The following AFF3 variants were observed in gnomAD, a reference collection of about 807,000 sequenced individuals.
AFF3 encodes ALF transcription elongation factor 3, also known as AF4/FMR2 family member 3.
A neutral mutation model predicts 129.7 loss-of-function variants in AFF3; 32 were observed. That is an observed-to-expected ratio of 0.25 (90% CI 0.19 to 0.33). The LOEUF is 0.33. Among genes scored for constraint, AFF3 ranks in the 10% least tolerant of loss-of-function variants. The pLI is 1.00. For synonymous variants in AFF3, 644 were observed against 635.4 expected (o/e 1.01, Z -0.20); for missense variants, 1,373 against 1,592.0 (o/e 0.86, Z 2.34).
chr2:100,135,410 C>T (rs929859318), intron 1 of AFF3, among the ~76,000 whole-genome samples: 15 of 152,218 alleles, frequency 9.9e-5, no homozygotes, highest in African/African-American at 2.2e-4. Context: ...GTGGCAGCTT[C>T]TGCTTCCTGC....
chr2:99,761,794 TTCCA>T (rs1335831461), intron 8 of AFF3, among the ~76,000 whole-genome samples: 1 of 152,156 alleles, frequency 6.6e-6, no homozygotes, highest in African/African-American at 2.4e-5. Flanking sequence ...CACAGGAGAG[TTCCA>T]TCTCGAACAC....
At chr2:99,889,128 A>G (rs1354077635) in intron 7 of AFF3, among the ~76,000 whole-genome samples, 5 of 150,850 alleles carry the variant, frequency 3.3e-5, no homozygotes, top group Non-Finnish European at 7.4e-5. Flanking sequence ...TTCTAGACAG[A>G]TTTTTTTTTT....
At chr2:99,776,328 T>C (rs1031657564) in intron 8 of AFF3, among the ~76,000 whole-genome samples, 4 of 152,206 alleles carry the variant, frequency 2.6e-5, no homozygotes, top group African/African-American at 4.8e-5. Context: ...CACAGACAGA[T>C]GGTTGTATTT....
chr2:99,772,009 G>C (rs1288084371), intron 8 of AFF3, among the ~76,000 whole-genome samples: 1 of 152,240 alleles, frequency 6.6e-6, no homozygotes, highest in African/African-American at 2.4e-5. Context: ...GATTTCTTAA[G>C]TGTGAATGCA....
intron 12 of AFF3, among the ~76,000 whole-genome samples, chr2:99,670,450 C>G (rs562980210): frequency 2.0e-5 from 3 of 152,142 alleles, no homozygotes; most frequent in African/African-American, 7.2e-5. Flanking sequence ...TTTGGGTTTA[C>G]GGTGCAAACT....
At chr2:100,014,036 C>G (rs1682776012) in intron 4 of AFF3, among the ~76,000 whole-genome samples, 1 of 151,924 alleles carries the variant, frequency 6.6e-6, no homozygotes, top group Non-Finnish European at 1.5e-5. Context: ...GTTGATTCAG[C>G]AGACCCAGCC....
At chr2:99,969,678 G>C (rs1678158536) in intron 7 of AFF3, among the ~76,000 whole-genome samples, 1 of 151,608 alleles carries the variant, frequency 6.6e-6, no homozygotes, top group South Asian at 2.1e-4. Context: ...TGTTGTTGTT[G>C]TTTTAGTAGA....
intron 13 of AFF3, among the ~76,000 whole-genome samples, chr2:99,605,674 G>A (rs79707658): frequency 0.014 from 2,206 of 152,208 alleles, 57 homozygotes; most frequent in African/African-American, 0.05. Flanking sequence ...GGATGGACTC[G>A]GCTAAGCCAC....
chr2:100,007,670 C>T, intron 5 of AFF3: 1 of 587,546 alleles, frequency 1.7e-6, no homozygotes, highest in Non-Finnish European at 3.0e-6. Flanking sequence ...CCTTGGGGTG[C>T]ATAAAAAGGG....
chr2:100,052,275 T>C (rs919639185), intron 4 of AFF3, among the ~76,000 whole-genome samples: 4 of 152,184 alleles, frequency 2.6e-5, no homozygotes, highest in Admixed American at 2.0e-4. Flanking sequence ...AAGAATACGA[T>C]TAAGATTTCT....
At chr2:99,908,271 C>T (rs929340422) in intron 7 of AFF3, among the ~76,000 whole-genome samples, 2 of 152,052 alleles carry the variant, frequency 1.3e-5, no homozygotes, top group Non-Finnish European at 2.9e-5. Context: ...ACTGGCTAGC[C>T]ATATGTAGAA....
intron 7 of AFF3, among the ~76,000 whole-genome samples, chr2:99,899,364 A>G (rs1275711356): frequency 1.3e-5 from 2 of 152,172 alleles, no homozygotes; most frequent in Admixed American, 6.5e-5. Context: ...AGTTGATAAT[A>G]AATTTCAGTT....
At chr2:99,947,637 T>C (rs144462116) in intron 7 of AFF3, among the ~76,000 whole-genome samples, 22,348 of 143,184 alleles carry the variant, frequency 0.16, 2,473 homozygotes, top group African/African-American at 0.29. Context: ...GATAGATAGA[T>C]AGATAGATAG....
intron 13 of AFF3, among the ~76,000 whole-genome samples, chr2:99,606,052 C>T (rs1025359437): frequency 6.6e-6 from 1 of 152,088 alleles, no homozygotes; most frequent in African/African-American, 2.4e-5. Context: ...GTCATGTTTA[C>T]ATACCAAAGA....
chr2:100,122,776 C>G (rs1419675577), intron 2 of AFF3, among the ~76,000 whole-genome samples: 8 of 152,150 alleles, frequency 5.3e-5, no homozygotes, highest in Non-Finnish European at 2.9e-5. Flanking sequence ...AATTTTAAAT[C>G]TTTAGAGATT....
At chr2:99,591,453 C>T (rs1678669788) in intron 15 of AFF3, among the ~76,000 whole-genome samples, 1 of 152,124 alleles carries the variant, frequency 6.6e-6, no homozygotes, top group African/African-American at 2.4e-5. Context: ...TCCCAAAGTG[C>T]TAGGATTAGA....
chr2:99,873,069 T>C (rs942738086), intron 7 of AFF3, among the ~76,000 whole-genome samples: 3 of 152,238 alleles, frequency 2.0e-5, no homozygotes, highest in Admixed American at 2.0e-4. Context: ...AAATAGTGTT[T>C]CGTGAATAAA....
At chr2:100,067,339 T>C (rs1432479750) in intron 4 of AFF3, among the ~76,000 whole-genome samples, 4 of 152,172 alleles carry the variant, frequency 2.6e-5, no homozygotes, top group African/African-American at 9.7e-5. Flanking sequence ...GTGCCTCTTA[T>C]CTGTTTCCTT....
chr2:99,827,568 A>G (rs1688184822), intron 8 of AFF3, among the ~76,000 whole-genome samples: 1 of 151,952 alleles, frequency 6.6e-6, no homozygotes, highest in Non-Finnish European at 1.5e-5. Flanking sequence ...AATGAAAGTG[A>G]AGACACAGAG....
Sources: allele counts gnomAD v4.1 joint callset (sites outside exome capture counted in the v4.1 genomes callset), GRCh38; gene constraint gnomAD v4.1.1; transcripts MANE v1.5; gene names NCBI Gene and HGNC (gene_info 2026-07-23, HGNC 2026-07-21).